Variants in EXOC6 observed in about 807,000 individuals in gnomAD.
The protein encoded by EXOC6 is exocyst complex component 6, also known as SEC15-like 1.
EXOC6 carries 60 observed loss-of-function variants against 112.5 expected under a neutral mutation model. The ratio of observed to expected loss-of-function variants is 0.53; its 90% CI spans 0.43 to 0.66. The LOEUF (loss-of-function observed/expected upper bound fraction) is 0.66. EXOC6 is among the 30% of genes least tolerant of loss of function. The pLI, the probability that EXOC6 is intolerant of heterozygous loss-of-function variation, is 0.00. For synonymous variants in EXOC6, 295 were observed against 308.0 expected (o/e 0.96, Z 0.44); for missense variants, 855 against 957.1 (o/e 0.89, Z 1.41).
intron 14 of EXOC6, among the ~76,000 whole-genome samples, chr10:92,949,133 G>GT (rs1200967954): frequency 3.9e-5 from 6 of 151,990 alleles, no homozygotes; most frequent in Non-Finnish European, 1.5e-5. Flanking sequence ...CTTTATTCTT[G>GT]TTTTTTTCTC....
chr10:92,979,315 A>G (rs1842742718), intron 18 of EXOC6, among the ~76,000 whole-genome samples: 2 of 152,206 alleles, frequency 1.3e-5, no homozygotes, highest in Non-Finnish European at 2.9e-5. Context: ...GCAGGCCACC[A>G]TGCCTGGCTA....
At chr10:92,833,972 C>T (rs1404553325), upstream of EXOC6, among the ~76,000 whole-genome samples, 3 of 152,006 alleles carry the variant, frequency 2.0e-5, no homozygotes, top group Non-Finnish European at 4.4e-5. Flanking sequence ...TCTCTTTCTT[C>T]CTCTCCATCA....
At position 92,944,393 on chromosome 10, in the gene EXOC6, T is replaced by C. The variant is rs538422319; in HGVS notation, c.1310+3569T>C. Among the ~76,000 whole-genome samples, 3 of 151,626 alleles carry C rather than the reference T, an allele frequency of 2.0e-5. No individual in the cohort carries two copies. In the East Asian group the frequency reaches 5.9e-4, roughly 30 times the overall value. On this transcript the variant is annotated intron_variant, in intron 13 of 21. Coordinates refer to ENST00000260762, the MANE Select transcript of EXOC6 (RefSeq NM_019053.6). ...TTGGGATTACAGGTGTGCACCACCA[T>C]GCCCCACTAATTTTTGTATTTTTAG...
chr10:93,050,820 C>T lies in EXOC6; in HGVS notation c.2170-6104C>T, dbSNP rs575648717. 5.6e-5 allele frequency among the ~76,000 whole-genome samples: 8 copies of T among 143,090 alleles called. No homozygotes were observed. In the South Asian group the frequency reaches 1.4e-3, roughly 24 times the overall value. 93.9% of individuals were successfully genotyped at this position (143,090 alleles called of 152,430 possible). On this transcript the variant is annotated intron_variant, in intron 20 of 21. Coordinates refer to ENST00000260762, the MANE Select transcript of EXOC6 (RefSeq NM_019053.6). ...CCGGGAGGAGAAGGTTGCAGTGAGC[C>T]GAGATTGCACCACTGCACTCCAGTC...
chr10:93,000,145 G>A (rs1157489772), intron 19 of EXOC6, among the ~76,000 whole-genome samples: 4 of 152,176 alleles, frequency 2.6e-5, no homozygotes, highest in Non-Finnish European at 4.4e-5. Context: ...TGGGTAAGAG[G>A]GGATTACTGT....
intron 17 of EXOC6, among the ~76,000 whole-genome samples, chr10:92,970,938 T>C (rs1842269135): frequency 6.6e-6 from 1 of 152,262 alleles, no homozygotes; most frequent in African/African-American, 2.4e-5. Flanking sequence ...TGTGGTCTGT[T>C]CTTGCTGAGT....
At chr10:92,934,016 C>A in intron 9 of EXOC6, 128 bp from the exon 10 acceptor site, 1 of 544,210 alleles carries the variant, frequency 1.8e-6, no homozygotes, top group Non-Finnish European at 3.2e-6. Flanking sequence ...TCCCTGGTAC[C>A]TAAAAATGTA....
chr10:92,954,975 T>G (rs1211269291), intron 16 of EXOC6, among the ~76,000 whole-genome samples: 1 of 152,094 alleles, frequency 6.6e-6, no homozygotes, highest in African/African-American at 2.4e-5. Context: ...GAGGATTGTT[T>G]GAGGTCAGGA....
At chr10:92,930,084 C>A (rs767835132) in intron 9 of EXOC6, among the ~76,000 whole-genome samples, 2 of 152,210 alleles carry the variant, frequency 1.3e-5, no homozygotes, top group Non-Finnish European at 2.9e-5. Flanking sequence ...CTATTATCAG[C>A]TGTCTTGATC....
chr10:93,050,230 G>A (rs1023381690), intron 20 of EXOC6, among the ~76,000 whole-genome samples: 1 of 152,144 alleles, frequency 6.6e-6, no homozygotes, highest in Non-Finnish European at 1.5e-5. Flanking sequence ...GCCTATTAGG[G>A]ATAGTGAGAT....
At position 92,940,831 on chromosome 10, in the gene EXOC6, C is replaced by CG. The variant is rs1554898747; in HGVS notation, c.1310+7_1310+8insG. The stretch of plus-strand genomic sequence containing the variant: ...AATGGGCTGGAGTTTTCAGGTTAGT[C>CG]TAAGTCATGGTGCCTTAATATAATG... On this transcript the variant is annotated splice_region_variant and intron_variant, in intron 13 of 21. Coordinates refer to ENST00000260762, the MANE Select transcript of EXOC6 (RefSeq NM_019053.6). 1 of 1,568,666 alleles carries CG rather than the reference C, an allele frequency of 6.4e-7. No homozygotes were observed. Among genetic ancestry groups the CG allele is most frequent in the Non-Finnish European group, 8.7e-7 (1 of 1,143,274 alleles).
intron 1 of EXOC6, among the ~76,000 whole-genome samples, chr10:92,878,743 A>C (rs368120128): frequency 4.6e-5 from 7 of 152,140 alleles, no homozygotes; most frequent in Non-Finnish European, 1.0e-4. Context: ...TGCCCTGCCC[A>C]TGCCTATCTA....
chr10:92,997,471 CAG>C lies in EXOC6; in HGVS notation c.1954-2_1954-1del, dbSNP rs1465265927. 11 of 1,600,504 alleles carry C rather than the reference CAG, an allele frequency of 6.9e-6. No homozygotes were observed. The highest frequency in any genetic ancestry group is 2.2e-5 in the East Asian group (1 of 44,630). ...TGATTTTTGGTTTGATTGTTTTAAA[CAG>C]GGGAAAGTTGCTCAGACAGCTTGCA... On this transcript the variant is annotated splice_acceptor_variant, in intron 18 of 21. Coordinates refer to ENST00000260762, the MANE Select transcript of EXOC6 (RefSeq NM_019053.6). LOFTEE classifies it high-confidence loss of function.
At chr10:92,875,177 CA>C (rs1848628880) in intron 1 of EXOC6, among the ~76,000 whole-genome samples, 2 of 152,170 alleles carry the variant, frequency 1.3e-5, no homozygotes, top group Non-Finnish European at 2.9e-5. Flanking sequence ...CCAGTAACAA[CA>C]GATATCTTTC....
chr10:92,902,459 G>A (rs1251243561), intron 5 of EXOC6, among the ~76,000 whole-genome samples: 2 of 151,700 alleles, frequency 1.3e-5, no homozygotes, highest in Non-Finnish European at 2.9e-5. Context: ...CCTTCCAAAG[G>A]TGGTGCTGAT....
intron 17 of EXOC6, among the ~76,000 whole-genome samples, chr10:92,960,455 GA>G (rs892001238): frequency 6.6e-6 from 1 of 152,096 alleles, no homozygotes; most frequent in African/African-American, 2.4e-5. Flanking sequence ...AAAACCCATA[GA>G]ATGTAAAACA....
intron 1 of EXOC6, among the ~76,000 whole-genome samples, chr10:92,859,539 G>A (rs1449356394): frequency 1.3e-5 from 2 of 152,204 alleles, no homozygotes; most frequent in Non-Finnish European, 2.9e-5. Flanking sequence ...CCTCTTTGCA[G>A]TGGCATATTA....
intron 1 of EXOC6, among the ~76,000 whole-genome samples, chr10:92,878,647 C>A (rs540757513): frequency 1.3e-5 from 2 of 152,170 alleles, no homozygotes; most frequent in Admixed American, 1.3e-4. Context: ...CCTGGGGGTG[C>A]CAAATTATCA....
At chr10:92,948,747 A>G (rs1853211369) in intron 14 of EXOC6, among the ~76,000 whole-genome samples, 1 of 152,110 alleles carries the variant, frequency 6.6e-6, no homozygotes, top group East Asian at 1.9e-4. Flanking sequence ...AAGTAGATTT[A>G]TAGTAATAAG....
Sources: allele counts gnomAD v4.1 joint callset (sites outside exome capture counted in the v4.1 genomes callset), GRCh38; gene constraint gnomAD v4.1.1; transcripts MANE v1.5; gene names NCBI Gene and HGNC (gene_info 2026-07-23, HGNC 2026-07-21).